Variants in AFG2A observed in about 807,000 individuals in gnomAD.
AFG2A encodes ATPase family gene 2 protein homolog A.
At chr4:123,172,287 T>A in the AFG2A span, among the ~76,000 whole-genome samples, 2 of 152,218 alleles carry the variant, frequency 1.3e-5, no homozygotes, top group Non-Finnish European at 2.9e-5. Flanking sequence ...TATAGCCCTA[T>A]GGGGCAGCAT....
the AFG2A span, among the ~76,000 whole-genome samples, chr4:123,129,934 T>A: frequency 6.6e-6 from 1 of 152,226 alleles, no homozygotes; most frequent in South Asian, 2.1e-4. Flanking sequence ...TCCTTGATCA[T>A]ACACGTGAGA....
At chr4:123,165,577 A>G in the AFG2A span, among the ~76,000 whole-genome samples, 6 of 152,060 alleles carry the variant, frequency 3.9e-5, no homozygotes, top group African/African-American at 1.2e-4. Context: ...TTTATTTATT[A>G]ATAAATTTAT....
At chr4:123,049,022 A>G in the AFG2A span, among the ~76,000 whole-genome samples, 1 of 152,004 alleles carries the variant, frequency 6.6e-6, no homozygotes, top group African/African-American at 2.4e-5. Context: ...CCTTTATCAG[A>G]TTGAAGTATG....
At chr4:123,151,915 GGC>G in the AFG2A span, among the ~76,000 whole-genome samples, 1 of 151,990 alleles carries the variant, frequency 6.6e-6, no homozygotes, top group South Asian at 2.1e-4. Context: ...AAGAAAATGT[GGC>G]ACATATACAC....
the AFG2A span, among the ~76,000 whole-genome samples, chr4:123,154,537 A>G: frequency 6.6e-6 from 1 of 152,220 alleles, no homozygotes; most frequent in Non-Finnish European, 1.5e-5. Flanking sequence ...TGAGATTTTA[A>G]GAGTAAAAAC....
chr4:123,260,306 C>T, the AFG2A span, among the ~76,000 whole-genome samples: 1 of 152,118 alleles, frequency 6.6e-6, no homozygotes, highest in Non-Finnish European at 1.5e-5. Flanking sequence ...TAAACTTAGT[C>T]TGTTTGTTTT....
At chr4:122,928,158 G>T in the AFG2A span, among the ~76,000 whole-genome samples, 7 of 152,218 alleles carry the variant, frequency 4.6e-5, no homozygotes, top group Admixed American at 2.0e-4. Context: ...GTTGCCTCCG[G>T]CGATAGTGAC....
chr4:123,225,758 G>A, the AFG2A span, among the ~76,000 whole-genome samples: 1 of 152,192 alleles, frequency 6.6e-6, no homozygotes, highest in Admixed American at 6.5e-5. Context: ...AAAGTCATTG[G>A]TAGTTTGATG....
chr4:122,949,027 A>C, the AFG2A span, among the ~76,000 whole-genome samples: 3 of 152,242 alleles, frequency 2.0e-5, no homozygotes, highest in African/African-American at 7.2e-5. Flanking sequence ...GGAGTTGATT[A>C]AAACACGTGG....
At chr4:123,002,712 A>T in the AFG2A span, among the ~76,000 whole-genome samples, 2 of 152,098 alleles carry the variant, frequency 1.3e-5, no homozygotes, top group African/African-American at 2.4e-5. Flanking sequence ...GGGTAACCTG[A>T]CCTTTCTCTC....
chr4:123,054,368 A>G, the AFG2A span, among the ~76,000 whole-genome samples: 2 of 151,450 alleles, frequency 1.3e-5, no homozygotes, highest in Non-Finnish European at 2.9e-5. Context: ...GTGTCACTCT[A>G]TGAACTACAT....
chr4:123,118,313 A>G, the AFG2A span, among the ~76,000 whole-genome samples: 1 of 40,690 alleles, frequency 2.5e-5, no homozygotes, highest in East Asian at 1.0e-3. Flanking sequence ...GTGTATATAT[A>G]ATATATATTA....
At chr4:122,950,496 C>A in the AFG2A span, among the ~76,000 whole-genome samples, 1 of 152,134 alleles carries the variant, frequency 6.6e-6, no homozygotes, top group African/African-American at 2.4e-5. Flanking sequence ...TGTACCACCA[C>A]ACCTGGCTAA....
the AFG2A span, among the ~76,000 whole-genome samples, chr4:123,143,430 C>A: frequency 6.6e-6 from 1 of 152,058 alleles, no homozygotes; most frequent in Non-Finnish European, 1.5e-5. Context: ...TATATCACAT[C>A]TGTGCCTTTC....
At chr4:123,006,335 A>G in the AFG2A span, among the ~76,000 whole-genome samples, 1 of 151,292 alleles carries the variant, frequency 6.6e-6, no homozygotes, top group Non-Finnish European at 1.5e-5. Context: ...ACATTTTATC[A>G]TTGGTTTTAA....
At chr4:123,174,751 TA>T in the AFG2A span, among the ~76,000 whole-genome samples, 1 of 151,748 alleles carries the variant, frequency 6.6e-6, no homozygotes, top group South Asian at 2.1e-4. Flanking sequence ...AACAAGGACT[TA>T]AAAGTGACAG....
the AFG2A span, among the ~76,000 whole-genome samples, chr4:123,121,439 AC>A: frequency 6.6e-6 from 1 of 152,032 alleles, no homozygotes; most frequent in Non-Finnish European, 1.5e-5. Context: ...GAGTTTACTC[AC>A]TGACTCACCC....
chr4:123,153,425 G>C, the AFG2A span, among the ~76,000 whole-genome samples: 3 of 152,184 alleles, frequency 2.0e-5, no homozygotes, highest in Non-Finnish European at 4.4e-5. Flanking sequence ...TCAACCTCTT[G>C]ATGGGTAGAG....
At chr4:123,243,108 A>G in the AFG2A span, among the ~76,000 whole-genome samples, 4 of 152,188 alleles carry the variant, frequency 2.6e-5, no homozygotes, top group Non-Finnish European at 5.9e-5. Context: ...CAGATGCTGG[A>G]GAGGATGTGG....
Sources: gnomAD v4.1 joint callset for allele counts (sites outside exome capture counted in the v4.1 genomes callset) on GRCh38, gnomAD v4.1.1 for gene constraint, MANE v1.5 for transcripts, NCBI Gene and HGNC (gene_info 2026-07-23, HGNC 2026-07-21) for gene names.